Variants in RNF182 observed in about 807,000 individuals in gnomAD.
RNF182 encodes E3 ubiquitin-protein ligase RNF182.
A neutral mutation model predicts 14.4 loss-of-function variants in RNF182; 15 were observed. The ratio of observed to expected loss-of-function variants is 1.04; its 90% confidence interval spans 0.70 to 1.60. The LOEUF (loss-of-function observed/expected upper bound fraction) is 1.60, where lower values mean the gene tolerates loss of function less well. Ranked by LOEUF, RNF182 falls within the 40% of genes most tolerant of loss-of-function variation. RNF182 has a pLI of 0.00. For missense variants in RNF182, 268 were observed against 294.8 expected (o/e 0.91, Z 0.67); for synonymous variants, 128 against 122.9 (o/e 1.04, Z -0.27).
chr6:13,925,371 G>A (rs1215881056), intron 1 of RNF182: 1 of 152,144 alleles, frequency 6.6e-6, no homozygotes, highest in Non-Finnish European at 1.5e-5. Context: ...AAAAAGGTAT[G>A]AAAGTATTTA....
chr6:13,926,029 T>G (rs934169483), intron 1 of RNF182, among the ~76,000 whole-genome samples: 1 of 152,176 alleles, frequency 6.6e-6, no homozygotes, highest in African/African-American at 2.4e-5. Flanking sequence ...AACAGATACA[T>G]TTTCAGAAAT....
At chr6:13,955,356 T>C (rs1392462312) in intron 1 of RNF182, among the ~76,000 whole-genome samples, 1 of 152,228 alleles carries the variant, frequency 6.6e-6, no homozygotes, top group Admixed American at 6.5e-5. Flanking sequence ...GAATTTTACC[T>C]CATCAATTAT....
chr6:13,961,426 C>T (rs1462932089), intron 1 of RNF182: 2 of 152,168 alleles, frequency 1.3e-5, no homozygotes, highest in Non-Finnish European at 2.9e-5. Context: ...AGTGTCAGAG[C>T]CAGGTCCCAA....
intron 1 of RNF182, among the ~76,000 whole-genome samples, chr6:13,970,950 T>C (rs1442666859): frequency 6.6e-6 from 1 of 152,184 alleles, no homozygotes; most frequent in African/African-American, 2.4e-5. Flanking sequence ...TTTCCTTTTT[T>C]ACTGTGAAAG....
In RNF182 at chr6:13,977,048, C is replaced by T; in HGVS notation, c.-72C>T. On this transcript the variant is annotated 5_prime_UTR_variant, in exon 3 of 3. Coordinates refer to ENST00000488300, the MANE Select transcript of RNF182 (RefSeq NM_152737.4). ...TGCCAGATTTGGATGATATGATATT[C>T]AGAGGGGCACCTTAATCAAAGCCAT... The T allele has an allele frequency of 6.8e-7, 1 of 1,469,448 alleles. No homozygotes were observed. Among genetic ancestry groups the T allele is most frequent in the Non-Finnish European group, 9.2e-7 (1 of 1,081,640 alleles). 91.0% of individuals were successfully genotyped at this position (1,469,448 alleles called of 1,614,324 possible).
chr6:13,936,015 A>T (rs1759100136), intron 1 of RNF182, among the ~76,000 whole-genome samples: 1 of 152,246 alleles, frequency 6.6e-6, no homozygotes, highest in South Asian at 2.1e-4. Flanking sequence ...GCCAAGGGAA[A>T]AGAGGCACAT....
intron 1 of RNF182, among the ~76,000 whole-genome samples, chr6:13,944,072 A>C (rs547763572): frequency 8.5e-5 from 13 of 152,312 alleles, no homozygotes; most frequent in Admixed American, 3.3e-4. Flanking sequence ...TACAAGAAGA[A>C]CTGGGCAACA....
At chr6:13,963,138 T>A (rs1759922471) in intron 1 of RNF182, among the ~76,000 whole-genome samples, 1 of 152,198 alleles carries the variant, frequency 6.6e-6, no homozygotes, top group Admixed American at 6.5e-5. Context: ...TTTTTGAGCT[T>A]TTTAAAAAGA....
At chr6:13,926,593 G>T (rs1214940828) in intron 1 of RNF182, among the ~76,000 whole-genome samples, 1 of 152,166 alleles carries the variant, frequency 6.6e-6, no homozygotes, top group South Asian at 2.1e-4. Context: ...ACTCTTTCAT[G>T]ACGGTAATAA....
chr6:13,979,809 A>T lies in RNF182; in HGVS notation c.*1946A>T, dbSNP rs1024852468. 4.8e-5 allele frequency: 8 copies of T among 167,070 alleles called. No homozygotes were observed. Among genetic ancestry groups the T allele is most frequent in the African/African-American group, 1.7e-4 (7 of 41,454 alleles). The allele number at this position is 167,070 out of a possible 1,614,324, so 10.3% of individuals were successfully genotyped here. On this transcript the variant is annotated 3_prime_UTR_variant, in exon 3 of 3. Transcript: ENST00000488300. ...GGTACGATGTGTTTTGCTTCTCTGT[A>T]TAATGTCTACAGTGATAAACTTGTG...
At chr6:13,956,552 T>A (rs888697789) in intron 1 of RNF182, among the ~76,000 whole-genome samples, 7 of 152,178 alleles carry the variant, frequency 4.6e-5, no homozygotes, top group Non-Finnish European at 8.8e-5. Flanking sequence ...CTCAAACTCC[T>A]GACCTCAGGT....
rs190663431 is a variant in RNF182 at position 13,962,028 on chromosome 6, G to A, written c.-366-12182G>A. On this transcript the variant is annotated intron_variant, in intron 1 of 2. Coordinates refer to ENST00000488300, the MANE Select transcript of RNF182 (RefSeq NM_152737.4). ...TGAAAGGCATAGTTTTTAATGAAAG[G>A]CATAGTAAAACCCTTAATTCTGAGA... Among the ~76,000 whole-genome samples, 5 of 152,242 alleles carry A rather than the reference G, an allele frequency of 3.3e-5. No individual in the cohort carries two copies. In the East Asian group the frequency reaches 9.6e-4, roughly 29 times the overall value.
chr6:13,941,864 A>T (rs935077778), intron 1 of RNF182, among the ~76,000 whole-genome samples: 3 of 152,176 alleles, frequency 2.0e-5, no homozygotes, highest in African/African-American at 7.2e-5. Flanking sequence ...AATTCCACAC[A>T]TGAATAAAAT....
At chr6:13,963,748 G>A (rs1759940227) in intron 1 of RNF182, among the ~76,000 whole-genome samples, 1 of 152,176 alleles carries the variant, frequency 6.6e-6, no homozygotes, top group Admixed American at 6.5e-5. Context: ...CACTCTTAAT[G>A]TTGGTCAAAG....
chr6:13,954,106 A>C (rs1759669947), intron 1 of RNF182, among the ~76,000 whole-genome samples: 1 of 152,336 alleles, frequency 6.6e-6, no homozygotes, highest in Non-Finnish European at 1.5e-5. Flanking sequence ...AACAGTGATC[A>C]ACATATGGCC....
intron 1 of RNF182, among the ~76,000 whole-genome samples, chr6:13,950,432 C>T (rs998074288): frequency 4.0e-5 from 6 of 150,946 alleles, no homozygotes; most frequent in African/African-American, 1.5e-4. Context: ...CTAATTTAGA[C>T]TAAATGTCTA....
rs1554127193 is a variant in RNF182 at position 13,966,831 on chromosome 6, C to CGT, written c.-366-7358_-366-7357dup. ...ATGCTGTTTTGTGTGTGTGCGCGTG[C>CGT]GTGTGTGTGTGTGTGTGTGTGTTTT... On this transcript the variant is annotated intron_variant, in intron 1 of 2. Coordinates refer to ENST00000488300, the MANE Select transcript of RNF182 (RefSeq NM_152737.4). Among the ~76,000 whole-genome samples the CGT allele has an allele frequency of 3.5e-3, 345 of 98,962 alleles. 3 individuals carry two copies. Among genetic ancestry groups the CGT allele is most frequent in the African/African-American group, 0.01 (313 of 30,250 alleles). The allele number at this position is 98,962 out of a possible 152,430, so 64.9% of individuals were successfully genotyped here. A position where few individuals can be genotyped will look rare whatever the true frequency, so the allele number is the denominator to read the frequency against.
chr6:13,959,798 A>T (rs1426861659), intron 1 of RNF182, among the ~76,000 whole-genome samples: 1 of 152,052 alleles, frequency 6.6e-6, no homozygotes, highest in Admixed American at 6.6e-5. Flanking sequence ...TTTGTCTTAG[A>T]CCTGTTAAAT....
intron 1 of RNF182, among the ~76,000 whole-genome samples, chr6:13,945,093 T>C (rs1034354054): frequency 1.1e-4 from 17 of 152,152 alleles, no homozygotes; most frequent in Non-Finnish European, 1.5e-4. Flanking sequence ...AACACCCCAA[T>C]ACATGTGGAA....
Sources: gnomAD v4.1 joint callset for allele counts (sites outside exome capture counted in the v4.1 genomes callset) on GRCh38, gnomAD v4.1.1 for gene constraint, MANE v1.5 for transcripts, NCBI Gene and HGNC (gene_info 2026-07-23, HGNC 2026-07-21) for gene names.